The following TMEM132D variants were observed in gnomAD, a reference collection of about 807,000 sequenced individuals.
The protein encoded by TMEM132D is mature OL transmembrane protein.
Under a neutral mutation model 62.3 loss-of-function variants are expected in TMEM132D, and 21 were observed. The observed-to-expected ratio is 0.34, with a 90% confidence interval of 0.24 to 0.49. The LOEUF (loss-of-function observed/expected upper bound fraction) is 0.49. Among genes scored for constraint, TMEM132D ranks in the 20% least tolerant of loss-of-function variants. The pLI, the probability that TMEM132D is intolerant of heterozygous loss-of-function variation, is 0.99. For synonymous variants in TMEM132D, 621 were observed against 575.6 expected (o/e 1.08, Z -1.13); for missense variants, 1,346 against 1,402.8 (o/e 0.96, Z 0.65).
Position 129,825,096 on chromosome 12 carries a change from C to G in TMEM132D, c.79+78165G>C, listed in dbSNP as rs534215802. 1.7e-3 allele frequency among the ~76,000 whole-genome samples: 257 copies of G among 151,842 alleles called. 2 individuals are homozygous for G. Among genetic ancestry groups the G allele is most frequent in the Non-Finnish European group, 2.9e-3 (195 of 67,954 alleles). On this transcript the variant is annotated intron_variant, in intron 1 of 8. Coordinates refer to ENST00000422113, the MANE Select transcript of TMEM132D (RefSeq NM_133448.3). ...TGGCATGATCTCAGCTCACTGCAACCTCCACCTCCCCGGTTCAAGCTATTC... is the reference window on the plus strand; with the variant it reads ...TGGCATGATCTCAGCTCACTGCAACGTCCACCTCCCCGGTTCAAGCTATTC...
intron 4 of TMEM132D, among the ~76,000 whole-genome samples, chr12:129,281,851 C>T (rs1162421818): frequency 6.6e-6 from 1 of 152,168 alleles, no homozygotes; most frequent in Non-Finnish European, 1.5e-5. Flanking sequence ...CCTCAAACTA[C>T]CGCCAAAGCC....
In TMEM132D at chr12:129,565,202, C is replaced by T. The variant is rs547581720; in HGVS notation, c.969-33997G>A. On this transcript the variant is annotated intron_variant, in intron 2 of 8. Coordinates refer to ENST00000422113, the MANE Select transcript of TMEM132D (RefSeq NM_133448.3). ...AGATTCATATTGATCACCAGCCCCACACAGGTGCATCAGCTGACAGTAAAG... is the reference window on the plus strand; with the variant it reads ...AGATTCATATTGATCACCAGCCCCATACAGGTGCATCAGCTGACAGTAAAG... Among the ~76,000 whole-genome samples, 44 of 152,306 alleles carry T rather than the reference C, an allele frequency of 2.9e-4. 1 individual carries two copies. Among genetic ancestry groups the T allele is most frequent in the African/African-American group, 9.1e-4 (38 of 41,576 alleles).
chr12:129,877,628 C>CACACAGAGAG (rs869172595), intron 1 of TMEM132D, among the ~76,000 whole-genome samples: 8 of 146,854 alleles, frequency 5.4e-5, no homozygotes, highest in South Asian at 4.2e-4. Context: ...CACACACACA[C>CACACAGAGAG]AGAGAGAGAG....
chr12:129,121,286 G>T (rs1876052751), intron 5 of TMEM132D, among the ~76,000 whole-genome samples: 1 of 152,000 alleles, frequency 6.6e-6, no homozygotes, highest in African/African-American at 2.4e-5. Context: ...AGTAGAGACA[G>T]GGTTTTAACA....
chr12:129,540,743 G>A (rs994605692), intron 2 of TMEM132D, among the ~76,000 whole-genome samples: 1 of 152,102 alleles, frequency 6.6e-6, no homozygotes, highest in Non-Finnish European at 1.5e-5. Flanking sequence ...TGCCACCTTG[G>A]CCTCCTAAAG....
intron 3 of TMEM132D, among the ~76,000 whole-genome samples, chr12:129,473,725 T>C (rs1268367384): frequency 1.3e-5 from 2 of 152,208 alleles, no homozygotes; most frequent in Non-Finnish European, 2.9e-5. Context: ...AAACATAACT[T>C]TTCTATGTAC....
chr12:129,493,781 A>G (rs1048960944), intron 3 of TMEM132D, among the ~76,000 whole-genome samples: 1 of 152,228 alleles, frequency 6.6e-6, no homozygotes, highest in African/African-American at 2.4e-5. Flanking sequence ...GAAGCCAAGC[A>G]GGCAGGCTGC....
intron 8 of TMEM132D, among the ~76,000 whole-genome samples, chr12:129,076,820 C>T (rs1352676718): frequency 6.6e-6 from 1 of 152,212 alleles, no homozygotes; most frequent in Non-Finnish European, 1.5e-5. Flanking sequence ...ACGGATTAGC[C>T]TTCTGGCCTT....
intron 1 of TMEM132D, among the ~76,000 whole-genome samples, chr12:129,877,335 C>G (rs975415828): frequency 2.0e-5 from 3 of 152,046 alleles, no homozygotes; most frequent in African/African-American, 7.2e-5. Flanking sequence ...TTTCTGTGAC[C>G]TTCCTTAAAT....
intron 7 of TMEM132D, among the ~76,000 whole-genome samples, chr12:129,081,354 A>G (rs1336964911): frequency 6.6e-6 from 1 of 152,184 alleles, no homozygotes; most frequent in Non-Finnish European, 1.5e-5. Context: ...GTTGGAGTGT[A>G]GTGGCACGAT....
intron 3 of TMEM132D, among the ~76,000 whole-genome samples, chr12:129,369,901 C>T (rs543136302): frequency 9.9e-5 from 15 of 152,122 alleles, no homozygotes; most frequent in African/African-American, 2.2e-4. Flanking sequence ...GATATGGTAC[C>T]GGGGAAGGGA....
chr12:129,669,054 C>G (rs1880442276), intron 2 of TMEM132D, among the ~76,000 whole-genome samples: 2 of 152,190 alleles, frequency 1.3e-5, no homozygotes, highest in African/African-American at 4.8e-5. Context: ...GGTACAAACC[C>G]ATGGCTGGGC....
At chr12:129,273,440 A>G (rs1880913744) in intron 4 of TMEM132D, among the ~76,000 whole-genome samples, 1 of 148,496 alleles carries the variant, frequency 6.7e-6, no homozygotes, top group Admixed American at 6.7e-5. Context: ...CCTGTCAAAA[A>G]AAAAAAAAAA....
chr12:129,481,527 A>T (rs535602126), intron 3 of TMEM132D, among the ~76,000 whole-genome samples: 1 of 144,000 alleles, frequency 6.9e-6, no homozygotes, highest in Non-Finnish European at 1.6e-5. Flanking sequence ...GAAAAATACA[A>T]AACAATTTAC....
chr12:129,530,839 G>T (rs1044803437), intron 3 of TMEM132D, among the ~76,000 whole-genome samples: 1 of 152,054 alleles, frequency 6.6e-6, no homozygotes, highest in African/African-American at 2.4e-5. Context: ...CAGGTGATAC[G>T]GTGCTCTGCT....
chr12:129,095,982 T>C (rs1286395577), intron 5 of TMEM132D, among the ~76,000 whole-genome samples: 4 of 152,088 alleles, frequency 2.6e-5, no homozygotes, highest in Non-Finnish European at 5.9e-5. Context: ...CCAGCCTGCA[T>C]GGAGAGGAGG....
chr12:129,822,577 C>T (rs1872565717), intron 1 of TMEM132D, among the ~76,000 whole-genome samples: 1 of 152,160 alleles, frequency 6.6e-6, no homozygotes, highest in Non-Finnish European at 1.5e-5. Flanking sequence ...AGTCCATTCT[C>T]AAGCTGCTAT....
intron 2 of TMEM132D, among the ~76,000 whole-genome samples, chr12:129,609,856 A>C: frequency 6.6e-6 from 1 of 152,254 alleles, no homozygotes; most frequent in East Asian, 1.9e-4. Flanking sequence ...CCAGGGCCTC[A>C]GGGAACACAC....
intron 3 of TMEM132D, among the ~76,000 whole-genome samples, chr12:129,520,937 A>G (rs540401961): frequency 6.6e-6 from 1 of 152,352 alleles, no homozygotes; most frequent in East Asian, 1.9e-4. Context: ...TCAAAACCAC[A>G]TTCAGCAAGT....
Sources: gnomAD v4.1 joint callset for allele counts (sites outside exome capture counted in the v4.1 genomes callset) on GRCh38, gnomAD v4.1.1 for gene constraint, MANE v1.5 for transcripts, NCBI Gene and HGNC (gene_info 2026-07-23, HGNC 2026-07-21) for gene names.